Variants in NAV3 observed in about 807,000 individuals in gnomAD.
NAV3 encodes the protein neuron navigator 3, also known as pore membrane and/or filament interacting like protein 1.
A neutral mutation model predicts 244.7 loss-of-function variants in NAV3; 87 were observed. The ratio of observed to expected loss-of-function variants is 0.36; its 90% CI spans 0.30 to 0.42. The LOEUF is 0.42. Ranked by LOEUF, NAV3 falls within the 20% of genes least tolerant of loss-of-function variation. The pLI, the probability that NAV3 is intolerant of heterozygous loss-of-function variation, is 1.00. For missense variants in NAV3, 2,663 were observed against 2,893.3 expected (o/e 0.92, Z 1.83); for synonymous variants, 1,126 against 1,042.2 (o/e 1.08, Z -1.55).
intron 20 of NAV3, among the ~76,000 whole-genome samples, chr12:78,144,463 AT>A (rs1245542494): frequency 1.3e-5 from 2 of 152,144 alleles, no homozygotes; most frequent in African/African-American, 2.4e-5. Flanking sequence ...ACTGAAAAAA[AT>A]ATATTAATAT....
At chr12:78,035,928 A>G (rs1233856607) in intron 9 of NAV3, among the ~76,000 whole-genome samples, 1 of 152,082 alleles carries the variant, frequency 6.6e-6, no homozygotes, top group Non-Finnish European at 1.5e-5. Context: ...TTGTGCTTTT[A>G]CAGCACAAAT....
intron 2 of NAV3, among the ~76,000 whole-genome samples, chr12:77,629,508 G>T (rs1414206450): frequency 6.6e-6 from 1 of 152,122 alleles, no homozygotes; most frequent in African/African-American, 2.4e-5. Flanking sequence ...AATTTCACTT[G>T]TAAAGTTTTG....
intron 3 of NAV3, among the ~76,000 whole-genome samples, chr12:77,944,851 G>A (rs976807614): frequency 6.6e-6 from 1 of 152,156 alleles, no homozygotes; most frequent in African/African-American, 2.4e-5. Flanking sequence ...GGAAGATGCA[G>A]TAGCTGAAGC....
chr12:77,999,785 G>C (rs1353994145), intron 7 of NAV3, among the ~76,000 whole-genome samples: 1 of 150,846 alleles, frequency 6.6e-6, no homozygotes, highest in Non-Finnish European at 1.5e-5. Context: ...GGTGACAGTC[G>C]CTCATCAGAA....
At position 78,197,366 on chromosome 12, in the gene NAV3, C is replaced by G; in HGVS notation, c.6411C>G (p.Ile2137Met). The G allele has an allele frequency of 6.2e-7, 1 of 1,602,362 alleles. No homozygotes were observed. The highest frequency in any genetic ancestry group is 8.5e-7 in the Non-Finnish European group (1 of 1,173,718). Residue 2137 changes from isoleucine to methionine, a missense_variant, in exon 35 of 40, where the codon ATC becomes ATG. Ile to Met is a conservative substitution (Grantham distance 10). Coordinates refer to ENST00000397909, the MANE Select transcript of NAV3 (RefSeq NM_001024383.2). The part of the protein sequence containing the change: ...NLHHVGSLSD[I>M]FNGFLNCKYN... ...ATCATGTGGGCTCTCTGAGTGATAT[C>G]TTCAATGGTTTTCTCAATTGTAAAT...
chr12:77,876,807 C>T (rs1364149445), intron 1 of NAV3, among the ~76,000 whole-genome samples: 1 of 152,038 alleles, frequency 6.6e-6, no homozygotes, highest in African/African-American at 2.4e-5. Context: ...TAAAATTTGG[C>T]TTAAGATTGG....
At chr12:77,939,051 T>C (rs928046178) in intron 1 of NAV3, among the ~76,000 whole-genome samples, 6 of 151,846 alleles carry the variant, frequency 4.0e-5, no homozygotes, top group African/African-American at 1.5e-4. Flanking sequence ...GGGTTGAAAG[T>C]TGTGGGGAGA....
intron 2 of NAV3, among the ~76,000 whole-genome samples, chr12:77,718,177 C>T (rs1228299377): frequency 6.6e-6 from 1 of 152,122 alleles, no homozygotes; most frequent in African/African-American, 2.4e-5. Flanking sequence ...AAGATTTCCT[C>T]CATTTTCTTT....
At chr12:77,897,587 C>T (rs1236558341) in intron 1 of NAV3, among the ~76,000 whole-genome samples, 1 of 152,064 alleles carries the variant, frequency 6.6e-6, no homozygotes, top group Admixed American at 6.6e-5. Context: ...GTAAGCTGTC[C>T]TAGGCTTCAT....
rs577928778 is a variant in NAV3, at chr12:77,848,432, G to A, written c.243+16728G>A. On this transcript the variant is annotated intron_variant, in intron 1 of 39. Coordinates refer to ENST00000397909, the MANE Select transcript of NAV3 (RefSeq NM_001024383.2). ...ATTTTGCTACTAGCTGTAAAGCTAGGCCACTGAATGAATATAAGATCCATC... is the reference window on the plus strand; with the variant it reads ...ATTTTGCTACTAGCTGTAAAGCTAGACCACTGAATGAATATAAGATCCATC... Among the ~76,000 whole-genome samples the A allele has an allele frequency of 3.3e-5, 5 of 152,302 alleles. No individual in the cohort carries two copies. In the East Asian group the frequency reaches 9.7e-4, roughly 29 times the overall value.
chr12:77,993,285 G>A (rs1871760132), intron 5 of NAV3, among the ~76,000 whole-genome samples: 1 of 152,188 alleles, frequency 6.6e-6, no homozygotes, highest in Admixed American at 6.5e-5. Context: ...GGTAGACATA[G>A]TGGTAAACAG....
Position 78,168,786 on chromosome 12 carries a change from T to C in NAV3, c.4901T>C (p.Ile1634Thr), listed in dbSNP as rs1208413675. 3.1e-6 allele frequency: 5 copies of C among 1,610,524 alleles called. No homozygotes were observed. Among genetic ancestry groups the C allele is most frequent in the Non-Finnish European group, 3.4e-6 (4 of 1,177,660 alleles). Reference protein sequence around the residue: ...ESELIELRETIEMLKAQNSAA... With the variant: ...ESELIELRETTEMLKAQNSAA... Reference sequence around the variant, plus strand: ...GAACTTATAGAACTAAGAGAAACCATTGAAATGCTGAAGGCTCAGAATTCT... The same window carrying C: ...GAACTTATAGAACTAAGAGAAACCACTGAAATGCTGAAGGCTCAGAATTCT... Residue 1634 changes from isoleucine to threonine, a missense_variant, in exon 24 of 40, where the codon ATT (isoleucine) becomes ACT (threonine). By Grantham distance (89) the Ile-to-Thr change is moderately conservative. This residue lies in a region of NAV3 where 48 missense variants were observed against 90.0 expected (regional missense o/e 0.53). Coordinates refer to ENST00000397909, the MANE Select transcript of NAV3 (RefSeq NM_001024383.2).
chr12:77,908,309 A>T (rs1397894081), intron 1 of NAV3, among the ~76,000 whole-genome samples: 1 of 152,076 alleles, frequency 6.6e-6, no homozygotes, highest in African/African-American at 2.4e-5. Flanking sequence ...TGCCTCAAGA[A>T]AGTATTGGAG....
chr12:77,883,696 G>A (rs925465856), intron 1 of NAV3, among the ~76,000 whole-genome samples: 3 of 152,170 alleles, frequency 2.0e-5, no homozygotes, highest in Non-Finnish European at 2.9e-5. Context: ...GTGAGAACAT[G>A]CATACTAACT....
At chr12:78,038,402 C>T (rs368302774) in intron 9 of NAV3, among the ~76,000 whole-genome samples, 105 of 152,286 alleles carry the variant, frequency 6.9e-4, no homozygotes, top group African/African-American at 2.4e-3. Context: ...GAAACTAATG[C>T]TAAATGCAGG....
chr12:78,027,267 C>A (rs1878212803), intron 9 of NAV3, among the ~76,000 whole-genome samples: 1 of 150,846 alleles, frequency 6.6e-6, no homozygotes, highest in South Asian at 2.1e-4. Flanking sequence ...GAGACCCTGT[C>A]TCTAAAAAAA....
chr12:78,067,080 A>C (rs1451637862), intron 12 of NAV3, among the ~76,000 whole-genome samples: 1 of 152,138 alleles, frequency 6.6e-6, no homozygotes, highest in Non-Finnish European at 1.5e-5. Context: ...TAAAGGCAAC[A>C]GAGATTTTTC....
intron 9 of NAV3, among the ~76,000 whole-genome samples, chr12:78,022,206 T>C (rs776523099): frequency 6.6e-6 from 1 of 152,182 alleles, no homozygotes; most frequent in Non-Finnish European, 1.5e-5. Context: ...CAGCCTGCTC[T>C]GTCATCAATT....
intron 2 of NAV3, among the ~76,000 whole-genome samples, chr12:77,714,051 G>C (rs1876245406): frequency 6.6e-6 from 1 of 151,736 alleles, no homozygotes; most frequent in African/African-American, 2.4e-5. Flanking sequence ...TATTTTCTTA[G>C]CTTCTTCTGG....
Sources: allele counts gnomAD v4.1 joint callset (sites outside exome capture counted in the v4.1 genomes callset), GRCh38; gene constraint gnomAD v4.1.1; regional missense constraint gnomAD v4.1.1; transcripts MANE v1.5; gene names NCBI Gene and HGNC (gene_info 2026-07-23, HGNC 2026-07-21).